The following TDP1 variants were observed in gnomAD, a reference collection of about 807,000 sequenced individuals.
The protein encoded by TDP1 is tyr-DNA phosphodiesterase 1.
TDP1 carries 64 observed loss-of-function variants against 81.5 expected under a neutral mutation model. The observed-to-expected ratio is 0.79, with a 90% CI of 0.64 to 0.97. TDP1 has a LOEUF of 0.97. Among genes scored for constraint, TDP1 ranks in the 50% least tolerant of loss-of-function variants. The pLI is 0.00. For synonymous variants in TDP1, 256 were observed against 264.3 expected (o/e 0.97, Z 0.30); for missense variants, 723 against 743.8 (o/e 0.97, Z 0.33).
At chr14:89,961,362 G>C (rs903962476) in intron 2 of TDP1, among the ~76,000 whole-genome samples, 1 of 152,176 alleles carries the variant, frequency 6.6e-6, no homozygotes, top group African/African-American at 2.4e-5. Context: ...GGGTCAGTTA[G>C]TCAAGCATCT....
chr14:90,038,709 A>G (rs1207509752), intron 16 of TDP1, among the ~76,000 whole-genome samples: 1 of 152,140 alleles, frequency 6.6e-6, no homozygotes, highest in Non-Finnish European at 1.5e-5. Context: ...GTGGTGGCAC[A>G]TGCCTGTAAT....
rs35085828 is a variant in TDP1, at chr14:90,033,006, A to T, written c.1645-100A>T. Reference sequence around the variant, plus strand: ...CTCCAAAATAATTTGAATTTTATTTAGGTACCATAAAGATATTATTGCTTC... The same window carrying T: ...CTCCAAAATAATTTGAATTTTATTTTGGTACCATAAAGATATTATTGCTTC... On this transcript the variant is annotated intron_variant, in intron 15 of 16. Transcript: ENST00000335725. 440 of 1,151,492 alleles carry T rather than the reference A, an allele frequency of 3.8e-4. 5 individuals are homozygous for T. The African/African-American group carries it at 5.9e-3, about 15-fold the overall frequency. 71.3% of individuals were successfully genotyped at this position (1,151,492 alleles called of 1,614,324 possible).
intron 14 of TDP1, among the ~76,000 whole-genome samples, chr14:90,010,642 A>G (rs891014310): frequency 6.6e-6 from 1 of 152,218 alleles, no homozygotes; most frequent in Admixed American, 6.5e-5. Flanking sequence ...GAAGGAACAG[A>G]GACATTCCAA....
At chr14:90,025,395 TC>T (rs1204991416) in intron 15 of TDP1, among the ~76,000 whole-genome samples, 2 of 152,204 alleles carry the variant, frequency 1.3e-5, no homozygotes, top group East Asian at 1.9e-4. Flanking sequence ...CTATTTTTTT[TC>T]TTGTTTTTTT....
chr14:89,981,677 G>C (rs1298596527), intron 8 of TDP1: 1 of 290,724 alleles, frequency 3.4e-6, no homozygotes, highest in African/African-American at 2.3e-5. Flanking sequence ...GCTGAGCCCA[G>C]GTTACATCTT....
At chr14:90,031,957 G>A (rs998511873) in intron 15 of TDP1, among the ~76,000 whole-genome samples, 51 of 152,116 alleles carry the variant, frequency 3.4e-4, no homozygotes, top group African/African-American at 1.0e-3. Flanking sequence ...AGCACAAATA[G>A]TAATTTTTAT....
chr14:90,008,735 GT>G (rs1229656257), intron 14 of TDP1, among the ~76,000 whole-genome samples: 1 of 152,002 alleles, frequency 6.6e-6, no homozygotes, highest in East Asian at 1.9e-4. Flanking sequence ...TTTTTGTTTT[GT>G]TTTTTGAGAT....
chr14:89,978,989 A>T (rs1422432348), intron 7 of TDP1, among the ~76,000 whole-genome samples: 1 of 152,100 alleles, frequency 6.6e-6, no homozygotes, highest in East Asian at 1.9e-4. Context: ...TGATAATTTC[A>T]TCCTGCCCAG....
intron 14 of TDP1, among the ~76,000 whole-genome samples, chr14:90,012,201 G>A (rs1187885963): frequency 3.3e-5 from 5 of 152,190 alleles, no homozygotes; most frequent in Non-Finnish European, 7.3e-5. Flanking sequence ...GTTAAGAATT[G>A]AGGTTTGGGA....
chr14:89,964,468 T>C (rs1892699863), intron 3 of TDP1, among the ~76,000 whole-genome samples: 1 of 152,226 alleles, frequency 6.6e-6, no homozygotes, highest in Non-Finnish European at 1.5e-5. Flanking sequence ...AAGTAACCAG[T>C]GTAATATATT....
At position 90,008,420 on chromosome 14, in the gene TDP1, C is replaced by A. The variant is rs540186186; in HGVS notation, c.1542-10896C>A. ...TTTACTTTTGGACCTTCTTGGATAC[C>A]ATATGTTTCATGGTTTAGAGTTCAG... On this transcript the variant is annotated intron_variant, in intron 14 of 16. Coordinates refer to ENST00000335725, the MANE Select transcript of TDP1 (RefSeq NM_018319.4). Among the ~76,000 whole-genome samples the A allele has an allele frequency of 1.9e-4, 29 of 152,062 alleles. No homozygotes were observed. In the South Asian group the frequency reaches 5.6e-3, roughly 29 times the overall value.
chr14:90,037,934 A>G (rs1271376313), intron 16 of TDP1, among the ~76,000 whole-genome samples: 2 of 152,222 alleles, frequency 1.3e-5, no homozygotes, highest in African/African-American at 4.8e-5. Context: ...ATTGCATAGC[A>G]TGGACCAGTT....
rs34095865 is a variant in TDP1 at position 90,009,489 on chromosome 14, G to A, written c.1542-9827G>A. ...ACAGAGAGATTAAGATGAGAGTAAA[G>A]AAGTTTCCATTGGATATGGCAGTGT... On this transcript the variant is annotated intron_variant, in intron 14 of 16. Transcript: ENST00000335725. Among the ~76,000 whole-genome samples, 418 of 152,296 alleles carry A rather than the reference G, an allele frequency of 2.7e-3. 4 individuals are homozygous for A. Among genetic ancestry groups the A allele is most frequent in the African/African-American group, 9.6e-3 (400 of 41,568 alleles).
At chr14:90,033,555 A>G in intron 16 of TDP1, 1 of 325,728 alleles carries the variant, frequency 3.1e-6, no homozygotes, top group Non-Finnish European at 6.0e-6. Flanking sequence ...CCTAAACATG[A>G]TCAGACCTCT....
chr14:89,989,229 C>T (rs374298253), intron 11 of TDP1, 139 bp downstream of exon 11: 6 of 1,404,298 alleles, frequency 4.3e-6, no homozygotes, highest in African/African-American at 1.5e-5. Context: ...GGGCGGGGTG[C>T]GGAAAGAGCA....
chr14:89,979,118 TAAGTC>T (rs1340099201), intron 7 of TDP1, among the ~76,000 whole-genome samples: 1 of 152,094 alleles, frequency 6.6e-6, no homozygotes, highest in Non-Finnish European at 1.5e-5. Context: ...AATGATAAAA[TAAGTC>T]AAGACAGAGT....
chr14:90,018,858 C>A, intron 14 of TDP1: 3 of 432,534 alleles, frequency 6.9e-6, no homozygotes, highest in Non-Finnish European at 9.2e-6. Context: ...GTTTTCTTCA[C>A]ATTGAAAGTA....
At chr14:89,985,753 G>C (rs1254303353) in intron 10 of TDP1, among the ~76,000 whole-genome samples, 1 of 152,192 alleles carries the variant, frequency 6.6e-6, no homozygotes, top group Non-Finnish European at 1.5e-5. Context: ...CCCTGGCCAG[G>C]TGTGGTGGCT....
rs1596748199 is a variant in TDP1, at chr14:90,043,901, C to T, written c.*758C>T. The T allele has an allele frequency of 6.6e-6, 1 of 152,452 alleles. No individual in the cohort carries two copies. Among genetic ancestry groups the T allele is most frequent in the East Asian group, 1.9e-4 (1 of 5,194 alleles). The allele number at this position is 152,452 out of a possible 1,614,324, so 9.4% of individuals were successfully genotyped here. On this transcript the variant is annotated 3_prime_UTR_variant, in exon 17 of 17. Coordinates refer to ENST00000335725, the MANE Select transcript of TDP1 (RefSeq NM_018319.4). ...GAACTTTACCCAGGAAGAACACGAT[C>T]ATTTCCTTTTTCACCGATGCCCTCT...
Sources: allele counts gnomAD v4.1 joint callset (sites outside exome capture counted in the v4.1 genomes callset), GRCh38; gene constraint gnomAD v4.1.1; transcripts MANE v1.5; gene names NCBI Gene and HGNC (gene_info 2026-07-23, HGNC 2026-07-21).